C17orf75: variants seen among roughly 807,000 people sequenced by gnomAD.
C17orf75 encodes the protein protein Njmu-R1.
Under a neutral mutation model 49.6 loss-of-function variants are expected in C17orf75, and 32 were observed. The observed-to-expected ratio is 0.65, with a 90% confidence interval of 0.49 to 0.87. C17orf75 has a LOEUF of 0.87. Ranked by LOEUF, C17orf75 falls within the 40% of genes least tolerant of loss-of-function variation. The probability of loss-of-function intolerance (pLI) is 0.00; values close to 1 mark genes in which losing one functional copy is unlikely to be tolerated. For synonymous variants in C17orf75, 158 were observed against 159.5 expected, an observed-to-expected ratio of 0.99 and a Z score of 0.07; for missense variants, 428 against 473.9, an observed-to-expected ratio of 0.90 and a Z score of 0.90.
At position 32,331,646 on chromosome 17, in the gene C17orf75, T is replaced by C. The variant is rs997396296; in HGVS notation, c.*117A>G. The C allele has an allele frequency of 1.3e-5, 11 of 827,756 alleles. No homozygotes were observed. The highest frequency in any genetic ancestry group is 1.1e-4 in the Admixed American group (4 of 35,084). The allele number at this position is 827,756 out of a possible 1,614,324, so 51.3% of individuals were successfully genotyped here. On this transcript the variant is annotated 3_prime_UTR_variant, in exon 10 of 10. Coordinates refer to ENST00000577809, the MANE Select transcript of C17orf75 (RefSeq NM_022344.4). ...AAATTGGTAAAATACAAAAAGAAAATCTGGATTGAGTTTCAAATCATCTTA... is the reference window on the plus strand; with the variant it reads ...AAATTGGTAAAATACAAAAAGAAAACCTGGATTGAGTTTCAAATCATCTTA...
At chr17:32,333,886 A>G (rs555516150) in intron 8 of C17orf75, among the ~76,000 whole-genome samples, 347 of 152,334 alleles carry the variant, frequency 2.3e-3, no homozygotes, top group African/African-American at 8.1e-3. Flanking sequence ...AGCCCCCTGT[A>G]TGCCCCTTCC....
At chr17:32,348,815 A>T (rs2041450024) in intron 1 of C17orf75, among the ~76,000 whole-genome samples, 1 of 149,628 alleles carries the variant, frequency 6.7e-6, no homozygotes, top group Admixed American at 6.6e-5. Context: ...CGCCTTTGCT[A>T]GCCTCCCTAG....
At chr17:32,338,996 C>G (rs1389433128) in intron 3 of C17orf75, among the ~76,000 whole-genome samples, 1 of 151,990 alleles carries the variant, frequency 6.6e-6, no homozygotes, top group Non-Finnish European at 1.5e-5. Flanking sequence ...GAGGCTGAGG[C>G]AGGAGAATTG....
upstream of C17orf75, chr17:32,342,309 C>G: frequency 4.7e-6 from 5 of 1,071,562 alleles, no homozygotes; most frequent in Non-Finnish European, 6.2e-6. Flanking sequence ...CTTCTCCCCA[C>G]AGGGGCTGAC....
chr17:32,344,538 A>G (rs571877133), upstream of C17orf75, among the ~76,000 whole-genome samples: 1 of 149,996 alleles, frequency 6.7e-6, no homozygotes, highest in Non-Finnish European at 1.5e-5. Context: ...AATGGCATGA[A>G]CCTGGGAGGC....
At chr17:32,340,465 C>A (rs1364394770) in intron 2 of C17orf75, among the ~76,000 whole-genome samples, 1 of 151,866 alleles carries the variant, frequency 6.6e-6, no homozygotes, top group Non-Finnish European at 1.5e-5. Flanking sequence ...ACAGTGAAAC[C>A]CCGTCTCTAC....
chr17:32,330,695 C>T lies in C17orf75; in HGVS notation c.*1068G>A, dbSNP rs548566166. On this transcript the variant is annotated 3_prime_UTR_variant, in exon 10 of 10. Transcript: ENST00000577809. Reference sequence around the variant, plus strand: ...TTTGCATTCCTTATGTTACAGTTTGCTTGTAAACTGTATGTACTTTGTTTC... The same window carrying T: ...TTTGCATTCCTTATGTTACAGTTTGTTTGTAAACTGTATGTACTTTGTTTC... 15 of 152,156 alleles carry T rather than the reference C, an allele frequency of 9.9e-5. No homozygotes were observed. Among genetic ancestry groups the T allele is most frequent in the Non-Finnish European group, 1.8e-4 (12 of 68,026 alleles). The allele number at this position is 152,156 out of a possible 1,614,324, so 9.4% of individuals were successfully genotyped here.
In C17orf75 at chr17:32,338,241, C is replaced by T. The variant is rs1445383103; in HGVS notation, c.458G>A (p.Cys153Tyr). 2 of 1,612,402 alleles carry T rather than the reference C, an allele frequency of 1.2e-6. No individual in the cohort carries two copies. The highest frequency in any genetic ancestry group is 1.7e-6 in the Non-Finnish European group (2 of 1,179,566). Residue 153 changes from cysteine to tyrosine, a missense_variant, in exon 4 of 10, where the codon TGT becomes TAT. Cys to Tyr is a radical substitution (Grantham distance 194). Transcript: ENST00000577809. ...TCCTTTTTCAGACCCTCCTAAAAAA[C>T]AGACCACATATTCTGAAGGGTTACG... ...SERNPSEYVV[C>Y]FLGGSEKGLE...
upstream of C17orf75, chr17:32,342,206 T>C (rs2041389242): frequency 7.0e-7 from 1 of 1,435,298 alleles, no homozygotes. Context: ...CAGCCGTCGG[T>C]ATCAGGGCTC....
intron 1 of C17orf75, among the ~76,000 whole-genome samples, chr17:32,347,856 C>T (rs904149974): frequency 2.6e-5 from 4 of 152,076 alleles, no homozygotes; most frequent in Admixed American, 6.6e-5. Context: ...CATTGCAATA[C>T]GGTTTTAAAC....
chr17:32,343,503 A>G (rs1195161147), upstream of C17orf75: 2 of 259,688 alleles, frequency 7.7e-6, no homozygotes, highest in Non-Finnish European at 7.2e-6. Flanking sequence ...AGATTTTCAC[A>G]AAATAGCACA....
intron 1 of C17orf75, 137 bp downstream of exon 1, chr17:32,341,863 C>A: frequency 9.3e-7 from 1 of 1,079,606 alleles, no homozygotes; most frequent in East Asian, 6.9e-5. Flanking sequence ...GGCCAGAGAC[C>A]TTGGCTGGGA....
At position 32,331,860 on chromosome 17, in the gene C17orf75, T is replaced by G; in HGVS notation, c.1094A>C (p.Lys365Thr). 1 of 1,613,620 alleles carries G rather than the reference T, an allele frequency of 6.2e-7. No homozygotes were observed. The highest frequency in any genetic ancestry group is 2.2e-5 in the East Asian group (1 of 44,816). Residue 365 changes from lysine to threonine, a missense_variant, in exon 10 of 10, where the codon AAG becomes ACG. By Grantham distance (78) the Lys-to-Thr change is moderately conservative. Transcript: ENST00000577809. ...KNCGSGDILL[K>T]IVKVEHEEMP... ...TTCTTCATGTTCCACTTTAACAATC[T>G]TCAAAAGTATATCTCCACTACCACA...
At position 32,329,793 on chromosome 17, in the gene C17orf75, ACAGT is replaced by A. The variant is rs1567800645; in HGVS notation, c.*1966_*1969del. On this transcript the variant is annotated 3_prime_UTR_variant, in exon 10 of 10. Transcript: ENST00000577809. The stretch of plus-strand genomic sequence containing the variant: ...GGGGAACCAACTACATTGGGAAAAG[ACAGT>A]CAGATTCAAGGACAGTGTCATAAAA... 6.6e-6 allele frequency: 1 copy of A among 152,242 alleles called. No homozygotes were observed. The highest frequency in any genetic ancestry group is 2.4e-5 in the African/African-American group (1 of 41,474). 9.4% of individuals were successfully genotyped at this position (152,242 alleles called of 1,614,324 possible).
At chr17:32,339,578 C>A (rs2041359235) in intron 3 of C17orf75, among the ~76,000 whole-genome samples, 1 of 152,008 alleles carries the variant, frequency 6.6e-6, no homozygotes, top group Admixed American at 6.6e-5. Flanking sequence ...CAAAGCAAGA[C>A]CCTGTCTCAA....
chr17:32,341,720 A>G, intron 1 of C17orf75: 1 of 881,404 alleles, frequency 1.1e-6, no homozygotes, highest in Non-Finnish European at 1.4e-6. Flanking sequence ...ACTGCGCTAA[A>G]CAAAGGGCAG....
At chr17:32,349,050 G>A (rs2041455126) in intron 1 of C17orf75, among the ~76,000 whole-genome samples, 1 of 151,488 alleles carries the variant, frequency 6.6e-6, no homozygotes, top group Non-Finnish European at 1.5e-5. Context: ...ATTTTTAGTA[G>A]AGACAGGGTT....
rs547847920 is a variant in C17orf75 at position 32,333,642 on chromosome 17, T to C, written c.872-122A>G. The C allele has an allele frequency of 8.6e-5, 69 of 800,478 alleles. No homozygotes were observed. In the East Asian group the frequency reaches 1.3e-3, roughly 15 times the overall value. The allele number at this position is 800,478 out of a possible 1,614,324, so 49.6% of individuals were successfully genotyped here. ...TGGAGTGCAGCCGGAGTACTAACTA[T>C]ATCGTTAGTAGAGATGGGGTTTCAC... On this transcript the variant is annotated intron_variant, in intron 8 of 9. Transcript: ENST00000577809.
chr17:32,337,960 T>C lies in C17orf75; in HGVS notation c.492-6A>G. 1 of 1,598,908 alleles carries C rather than the reference T, an allele frequency of 6.3e-7. No homozygotes were observed. The highest frequency in any genetic ancestry group is 8.5e-7 in the Non-Finnish European group (1 of 1,171,394). ...TGTCCAATTCAAGCCTGAAAGTATG[T>C]TCTTAAGGAAGCAATAAAGGATGAA... On this transcript the variant is annotated splice_region_variant and splice_polypyrimidine_tract_variant and intron_variant, in intron 4 of 9. Transcript: ENST00000577809.
Sources: gnomAD v4.1 joint callset for allele counts (sites outside exome capture counted in the v4.1 genomes callset) on GRCh38, gnomAD v4.1.1 for gene constraint, MANE v1.5 for transcripts, NCBI Gene and HGNC (gene_info 2026-07-23, HGNC 2026-07-21) for gene names.